TMC1: variants seen among roughly 807,000 people sequenced by gnomAD.
The protein encoded by TMC1 is transmembrane channel like 1, also known as transmembrane channel-like protein 1.
In TMC1, 84 loss-of-function variants were observed where a neutral mutation model predicts 105.8. The ratio of observed to expected loss-of-function variants is 0.79; its 90% CI spans 0.67 to 0.95. The LOEUF (loss-of-function observed/expected upper bound fraction) is 0.95. Ranked by LOEUF, TMC1 falls within the 40% of genes least tolerant of loss-of-function variation. TMC1 has a pLI of 0.00. For missense variants in TMC1, 817 were observed against 914.1 expected, an observed-to-expected ratio of 0.89 and a Z score of 1.37; for synonymous variants, 315 against 311.5, an observed-to-expected ratio of 1.01 and a Z score of -0.12.
chr9:72,692,831 A>C (rs1477182057), intron 6 of TMC1, among the ~76,000 whole-genome samples: 1 of 152,138 alleles, frequency 6.6e-6, no homozygotes, highest in Non-Finnish European at 1.5e-5. Flanking sequence ...TAGAAAAGTT[A>C]TTATGGGCCG....
intron 1 of TMC1, among the ~76,000 whole-genome samples, chr9:72,547,122 A>C (rs777466452): frequency 3.3e-5 from 5 of 152,100 alleles, no homozygotes; most frequent in African/African-American, 7.2e-5. Flanking sequence ...CCTCGTCTCT[A>C]CTGAAAATAC....
chr9:72,746,963 C>T (rs769996458), intron 10 of TMC1, among the ~76,000 whole-genome samples: 5 of 152,052 alleles, frequency 3.3e-5, no homozygotes, highest in Non-Finnish European at 5.9e-5. Context: ...CATGTTTGTA[C>T]CCCCAGGAAA....
intron 5 of TMC1, among the ~76,000 whole-genome samples, chr9:72,652,216 T>C (rs1333169206): frequency 6.6e-6 from 1 of 152,178 alleles, no homozygotes; most frequent in South Asian, 2.1e-4. Context: ...GAGTAGAAGG[T>C]AATTCTAATA....
rs141824646 is a variant in TMC1 at position 72,708,798 on chromosome 9, T to C, written c.362+8155T>C. 4.6e-5 allele frequency among the ~76,000 whole-genome samples: 7 copies of C among 152,160 alleles called. No individual in the cohort carries two copies. In the East Asian group the frequency reaches 9.6e-4, roughly 21 times the overall value. On this transcript the variant is annotated intron_variant, in intron 8 of 23. Coordinates refer to ENST00000297784, the MANE Select transcript of TMC1 (RefSeq NM_138691.3). ...TTGGTCTGGCTAGTACTATGTTGAATAGTAGTGAGAGTGGGCATCCTCGTC... is the reference window on the plus strand; with the variant it reads ...TTGGTCTGGCTAGTACTATGTTGAACAGTAGTGAGAGTGGGCATCCTCGTC...
At chr9:72,791,439 C>G (rs1352542531) in intron 15 of TMC1, among the ~76,000 whole-genome samples, 3 of 152,194 alleles carry the variant, frequency 2.0e-5, no homozygotes, top group African/African-American at 4.8e-5. Flanking sequence ...GGGAATTCAT[C>G]CATTCTAACT....
At position 72,650,894 on chromosome 9, in the gene TMC1, A is replaced by C. The variant is rs1226628914; in HGVS notation, c.16+2230A>C. On this transcript the variant is annotated intron_variant, in intron 5 of 23. Coordinates refer to ENST00000297784, the MANE Select transcript of TMC1 (RefSeq NM_138691.3). ...ATTTTATATATATAGATATATAGAT[A>C]TATATATAAATATATATAGATATAT... Among the ~76,000 whole-genome samples the C allele has an allele frequency of 1.6e-3, 224 of 141,990 alleles. 8 individuals are homozygous for C. Among genetic ancestry groups the C allele is most frequent in the African/African-American group, 5.6e-3 (218 of 38,834 alleles). The allele number at this position is 141,990 out of a possible 152,430, so 93.2% of individuals were successfully genotyped here.
At chr9:72,592,963 T>A (rs1824661972) in intron 2 of TMC1, among the ~76,000 whole-genome samples, 1 of 152,226 alleles carries the variant, frequency 6.6e-6, no homozygotes, top group African/African-American at 2.4e-5. Context: ...ATACAACAAC[T>A]ATTATCTTGA....
intron 10 of TMC1, among the ~76,000 whole-genome samples, chr9:72,746,173 C>T (rs1025824220): frequency 6.6e-6 from 1 of 152,054 alleles, no homozygotes; most frequent in Non-Finnish European, 1.5e-5. Context: ...AAATAAATGG[C>T]CATTTAATCT....
At chr9:72,561,416 A>C (rs544530250) in intron 1 of TMC1, among the ~76,000 whole-genome samples, 1 of 152,148 alleles carries the variant, frequency 6.6e-6, no homozygotes, top group African/African-American at 2.4e-5. Flanking sequence ...TGTTCACAGA[A>C]GTGTAGGAAC....
At chr9:72,662,939 T>C (rs1825989877) in intron 5 of TMC1, among the ~76,000 whole-genome samples, 1 of 152,238 alleles carries the variant, frequency 6.6e-6, no homozygotes, top group Admixed American at 6.5e-5. Context: ...GGATATATTC[T>C]TGTAACCACC....
intron 2 of TMC1, among the ~76,000 whole-genome samples, chr9:72,587,433 C>T (rs1273777775): frequency 1.3e-5 from 2 of 152,228 alleles, no homozygotes; most frequent in East Asian, 1.9e-4. Context: ...GCTGGGATTA[C>T]AGGCATGAGC....
intron 2 of TMC1, among the ~76,000 whole-genome samples, chr9:72,600,808 C>A (rs1824797236): frequency 1.3e-5 from 2 of 152,178 alleles, no homozygotes; most frequent in Non-Finnish European, 2.9e-5. Context: ...TCGTTCAGTG[C>A]ATACCAGAAT....
chr9:72,655,671 G>C (rs1204306743), intron 5 of TMC1, among the ~76,000 whole-genome samples: 1 of 151,878 alleles, frequency 6.6e-6, no homozygotes, highest in Non-Finnish European at 1.5e-5. Context: ...GAACCCGGGA[G>C]GGGGAGCCTG....
At chr9:72,622,394 A>G (rs1178356630) in intron 3 of TMC1, among the ~76,000 whole-genome samples, 1 of 152,214 alleles carries the variant, frequency 6.6e-6, no homozygotes, top group Non-Finnish European at 1.5e-5. Context: ...GGTAGTTACT[A>G]TCTCTCTGAA....
chr9:72,667,375 G>A (rs1475816535), intron 5 of TMC1, among the ~76,000 whole-genome samples: 1 of 151,998 alleles, frequency 6.6e-6, no homozygotes, highest in East Asian at 1.9e-4. Flanking sequence ...CTTCTTCCTG[G>A]TTGCCAGCTC....
At chr9:72,775,470 A>G (rs1827991884) in intron 13 of TMC1, among the ~76,000 whole-genome samples, 1 of 152,210 alleles carries the variant, frequency 6.6e-6, no homozygotes, top group Non-Finnish European at 1.5e-5. Context: ...TTGACATCAG[A>G]ACCCAACTGT....
chr9:72,539,165 T>C (rs1218607023), intron 1 of TMC1, among the ~76,000 whole-genome samples: 2 of 151,810 alleles, frequency 1.3e-5, no homozygotes, highest in Non-Finnish European at 2.9e-5. Context: ...GGCAGATCAA[T>C]TGGGCTCAGG....
intron 17 of TMC1, among the ~76,000 whole-genome samples, chr9:72,798,312 C>T (rs1279229846): frequency 6.6e-6 from 1 of 152,078 alleles, no homozygotes; most frequent in African/African-American, 2.4e-5. Flanking sequence ...TATGGCGATT[C>T]CTCAAAGAGC....
chr9:72,792,153 G>C (rs773139794), intron 16 of TMC1, 38 bp from the exon 17 acceptor site: 1 of 1,613,932 alleles, frequency 6.2e-7, no homozygotes, highest in Non-Finnish European at 8.5e-7. Flanking sequence ...TGAAATCTCT[G>C]TTGTCTTCAT....
Sources: gnomAD v4.1 joint callset for allele counts (sites outside exome capture counted in the v4.1 genomes callset) on GRCh38, gnomAD v4.1.1 for gene constraint, MANE v1.5 for transcripts, NCBI Gene and HGNC (gene_info 2026-07-23, HGNC 2026-07-21) for gene names.